TNIP3: variants seen among roughly 807,000 people sequenced by gnomAD.
The protein encoded by TNIP3 is TNFAIP3-interacting protein 3.
TNIP3 carries 34 observed loss-of-function variants against 54.1 expected under a neutral mutation model. The observed-to-expected ratio is 0.63, with a 90% confidence interval of 0.48 to 0.84. The LOEUF (loss-of-function observed/expected upper bound fraction) is 0.84. Among genes scored for constraint, TNIP3 ranks in the 40% least tolerant of loss-of-function variants. The probability of loss-of-function intolerance (pLI) is 0.00; values close to 1 mark genes in which losing one functional copy is unlikely to be tolerated. For synonymous variants in TNIP3, 134 were observed against 136.8 expected, an observed-to-expected ratio of 0.98 and a Z score of 0.14; for missense variants, 366 against 387.6, an observed-to-expected ratio of 0.94 and a Z score of 0.47.
chr4:121,224,368 ATAAAAAG>A (rs755408994), intron 1 of TNIP3, among the ~76,000 whole-genome samples: 5,242 of 143,138 alleles, frequency 0.037, 318 homozygotes, highest in African/African-American at 0.13. Context: ...GTCTCAAAAA[ATAAAAAG>A]AAAAAAGAAA....
intron 1 of TNIP3, among the ~76,000 whole-genome samples, chr4:121,225,215 C>T (rs1295991211): frequency 6.6e-6 from 1 of 152,176 alleles, no homozygotes; most frequent in Non-Finnish European, 1.5e-5. Flanking sequence ...GTACTAATTG[C>T]CCCTTGTGAC....
rs753910968 is a variant in TNIP3, at chr4:121,161,221, G to GA, written c.67-6dup. On this transcript the variant is annotated splice_polypyrimidine_tract_variant and splice_region_variant and intron_variant, in intron 1 of 10. Transcript: ENST00000057513. ...TCTTGTTGATGGTTCAGCACACTTAGAAAAAAAAAAAGAGAGAAGATTGAA... is the reference window on the plus strand; with the variant it reads ...TCTTGTTGATGGTTCAGCACACTTAGAAAAAAAAAAAAGAGAGAAGATTGAA... 0.056 allele frequency: 55,125 copies of GA among 981,122 alleles called. No individual in the cohort carries two copies. Among genetic ancestry groups the GA allele is most frequent in the South Asian group, 0.063 (2,898 of 45,816 alleles). The allele number at this position is 981,122 out of a possible 1,614,324, so 60.8% of individuals were successfully genotyped here.
intron 3 of TNIP3, among the ~76,000 whole-genome samples, chr4:121,182,491 A>G (rs575353227): frequency 6.6e-6 from 1 of 152,244 alleles, no homozygotes; most frequent in African/African-American, 2.4e-5. Flanking sequence ...CTGCTGAAGA[A>G]TTTCTTTAGT....
At chr4:121,224,711 A>G (rs1328321212) in intron 1 of TNIP3, among the ~76,000 whole-genome samples, 1 of 152,198 alleles carries the variant, frequency 6.6e-6, no homozygotes, top group East Asian at 1.9e-4. Flanking sequence ...TTCATTATAA[A>G]TAAAATTTGA....
In TNIP3 at chr4:121,164,078, A is replaced by G; in HGVS notation, c.48T>C (p.Ser16=). The change falls in exon 1 of 11, where the codon AGT becomes AGC. Residue 16 remains serine (S), a synonymous_variant. Transcript: ENST00000057513. The stretch of plus-strand genomic sequence containing the variant: ...TTCTTACCTCTTTATGCTCCGTAGA[A>G]CTTTCTGCGGCAATCATTCTAGATG... The part of the protein sequence containing the change: ...QGTSRMIAAE[S]STEHKECAEP... 6.2e-7 allele frequency: 1 copy of G among 1,613,736 alleles called. No homozygotes were observed. The highest frequency in any genetic ancestry group is 8.5e-7 in the Non-Finnish European group (1 of 1,179,744).
rs113690080 is a variant in TNIP3 at position 121,222,962 on chromosome 4, C to T, written c.3+4423G>A. Among the ~76,000 whole-genome samples, 41 of 152,062 alleles carry T rather than the reference C, an allele frequency of 2.7e-4. No individual in the cohort carries two copies. In the East Asian group the frequency reaches 3.1e-3, roughly 11 times the overall value. ...CTGGGACTACAGGCGCCCACCACCA[C>T]GCCCGCCTAATTTTTAGTATTTTTA... On this transcript the variant is annotated intron_variant, in intron 1 of 12. Coordinates refer to the TNIP3 transcript ENST00000509841.
chr4:121,154,034 C>T (rs1560649855), intron 5 of TNIP3, among the ~76,000 whole-genome samples: 1 of 152,234 alleles, frequency 6.6e-6, no homozygotes, highest in East Asian at 1.9e-4. Flanking sequence ...CCTGCATGCA[C>T]ACACGCACAC....
intron 6 of TNIP3, among the ~76,000 whole-genome samples, chr4:121,148,921 C>A (rs1035131859): frequency 3.3e-5 from 5 of 152,182 alleles, no homozygotes; most frequent in African/African-American, 1.2e-4. Flanking sequence ...TTCTATGACA[C>A]CCTGTCTCCC....
chr4:121,178,705 C>G (rs1253217386), intron 3 of TNIP3, among the ~76,000 whole-genome samples: 2 of 152,184 alleles, frequency 1.3e-5, no homozygotes, highest in Non-Finnish European at 2.9e-5. Flanking sequence ...CCCCTGCAGA[C>G]TCTGAGAACT....
intron 2 of TNIP3, among the ~76,000 whole-genome samples, chr4:121,190,499 T>C (rs991623245): frequency 2.0e-5 from 3 of 152,172 alleles, no homozygotes; most frequent in Non-Finnish European, 4.4e-5. Flanking sequence ...ATGCACTCTA[T>C]CTAAGTTATC....
chr4:121,166,986 A>G (rs7661427), upstream of TNIP3, among the ~76,000 whole-genome samples: 60,821 of 151,920 alleles, frequency 0.4, 14,719 homozygotes, highest in East Asian at 0.71. Context: ...TCTAAGGCTC[A>G]ATTTCCATTT....
At chr4:121,144,287 T>C (rs911893678) in intron 7 of TNIP3, among the ~76,000 whole-genome samples, 4 of 152,242 alleles carry the variant, frequency 2.6e-5, no homozygotes, top group Non-Finnish European at 5.9e-5. Context: ...ATGCTAATTA[T>C]AAACTAAATG....
intron 3 of TNIP3, among the ~76,000 whole-genome samples, chr4:121,180,365 A>C (rs1724618792): frequency 6.6e-6 from 1 of 152,090 alleles, no homozygotes; most frequent in Admixed American, 6.5e-5. Flanking sequence ...GCACCACTGC[A>C]CTCCAGCCTG....
At chr4:121,171,433 G>A (rs1723933833) in intron 3 of TNIP3, among the ~76,000 whole-genome samples, 2 of 152,134 alleles carry the variant, frequency 1.3e-5, no homozygotes, top group Admixed American at 1.3e-4. Flanking sequence ...TTTTGATGGT[G>A]GGTATATGTG....
chr4:121,200,147 A>G (rs749153635), intron 2 of TNIP3, among the ~76,000 whole-genome samples: 1 of 152,070 alleles, frequency 6.6e-6, no homozygotes, highest in East Asian at 1.9e-4. Context: ...CTGCCCCCAC[A>G]TGGGCACAGA....
At chr4:121,195,691 A>G (rs1725537994) in intron 2 of TNIP3, among the ~76,000 whole-genome samples, 1 of 152,256 alleles carries the variant, frequency 6.6e-6, no homozygotes, top group African/African-American at 2.4e-5. Flanking sequence ...CAAATCTAGT[A>G]TTTGTAGTAA....
intron 6 of TNIP3, among the ~76,000 whole-genome samples, chr4:121,147,852 G>C (rs947857970): frequency 3.3e-5 from 5 of 152,130 alleles, no homozygotes; most frequent in Admixed American, 3.3e-4. Flanking sequence ...ATCACTAACA[G>C]CCCAACAAAT....
At chr4:121,177,517 T>C (rs1226093425) in intron 3 of TNIP3, among the ~76,000 whole-genome samples, 4 of 152,232 alleles carry the variant, frequency 2.6e-5, no homozygotes, top group South Asian at 2.1e-4. Context: ...ACTTGACATA[T>C]ATCTCAGGCT....
At chr4:121,184,598 T>C (rs903742725) in intron 2 of TNIP3, among the ~76,000 whole-genome samples, 5 of 152,208 alleles carry the variant, frequency 3.3e-5, no homozygotes, top group African/African-American at 9.7e-5. Flanking sequence ...ACCTTCCAAC[T>C]TTCAGATTCT....
Sources: allele counts gnomAD v4.1 joint callset (sites outside exome capture counted in the v4.1 genomes callset), GRCh38; gene constraint gnomAD v4.1.1; transcripts MANE v1.5; gene names NCBI Gene and HGNC (gene_info 2026-07-23, HGNC 2026-07-21).